FGFRL1: variants seen among roughly 807,000 people sequenced by gnomAD.
FGFRL1 encodes fibroblast growth factor receptor like 1.
A neutral mutation model predicts 36.8 loss-of-function variants in FGFRL1; 24 were observed. The ratio of observed to expected loss-of-function variants is 0.65; its 90% CI spans 0.47 to 0.92. FGFRL1 has a LOEUF of 0.92. Among genes scored for constraint, FGFRL1 ranks in the 40% least tolerant of loss-of-function variants. The pLI is 0.00. For missense variants in FGFRL1, 785 were observed against 753.4 expected, an observed-to-expected ratio of 1.04 and a Z score of -0.49; for synonymous variants, 422 against 344.1, an observed-to-expected ratio of 1.23 and a Z score of -2.50.
intron 2 of FGFRL1, among the ~76,000 whole-genome samples, chr4:1,015,112 G>T (rs1048167384): frequency 6.6e-6 from 1 of 152,190 alleles, no homozygotes; most frequent in Non-Finnish European, 1.5e-5. Flanking sequence ...TGCTGGGAGA[G>T]GCGGGCTGTG....
chr4:1,021,309 A>C (rs1716167023), intron 2 of FGFRL1, among the ~76,000 whole-genome samples: 1 of 152,050 alleles, frequency 6.6e-6, no homozygotes, highest in African/African-American at 2.4e-5. Context: ...GGGATGGTGC[A>C]GGTGGCCATG....
At chr4:1,016,636 C>G (rs1480177127) in intron 2 of FGFRL1, among the ~76,000 whole-genome samples, 1 of 152,132 alleles carries the variant, frequency 6.6e-6, no homozygotes, top group Admixed American at 6.5e-5. Context: ...GGGTAGCCAC[C>G]TGTGCTGCAG....
intron 2 of FGFRL1, among the ~76,000 whole-genome samples, chr4:1,015,462 G>C (rs1169336559): frequency 6.6e-6 from 1 of 152,218 alleles, no homozygotes; most frequent in Non-Finnish European, 1.5e-5. Context: ...GGATGGCTGG[G>C]GCAGGGGTGA....
chr4:1,014,865 C>T (rs1167820801), intron 2 of FGFRL1, among the ~76,000 whole-genome samples: 1 of 152,224 alleles, frequency 6.6e-6, no homozygotes, highest in Non-Finnish European at 1.5e-5. Flanking sequence ...ATCACTGTCC[C>T]CTTGGGGGGA....
chr4:1,022,575 C>A, intron 3 of FGFRL1, 100 bp downstream of exon 3: 1 of 1,412,820 alleles, frequency 7.1e-7, no homozygotes, highest in Non-Finnish European at 9.3e-7. Context: ...GAGAGTCAGC[C>A]AGCCCCCGGC....
chr4:1,024,356 A>G lies in FGFRL1; in HGVS notation c.764A>G (p.Asn255Ser). ...KPVLTGTHPV[N>S]TTVDFGGTTS... ...GTGCTCACAGGCACGCACCCCGTGAACACGACGGTGGACTTCGGGGGGACC... is the reference window on the plus strand; with the variant it reads ...GTGCTCACAGGCACGCACCCCGTGAGCACGACGGTGGACTTCGGGGGGACC... The change falls in exon 6 of 7, where the codon AAC becomes AGC. Residue 255 changes from asparagine to serine, a missense_variant. Coordinates refer to ENST00000510644, the MANE Select transcript of FGFRL1 (RefSeq NM_001004356.3). The G allele has an allele frequency of 6.2e-7, 1 of 1,611,822 alleles. No individual in the cohort carries two copies. The highest frequency in any genetic ancestry group is 8.5e-7 in the Non-Finnish European group (1 of 1,179,398).
intron 2 of FGFRL1, among the ~76,000 whole-genome samples, chr4:1,015,417 T>C (rs1715838260): frequency 6.6e-6 from 1 of 152,136 alleles, no homozygotes; most frequent in Non-Finnish European, 1.5e-5. Flanking sequence ...TGCAGGCGGC[T>C]CCAAGGTGGG....
At chr4:1,014,137 C>T (rs1189557185) in intron 2 of FGFRL1, among the ~76,000 whole-genome samples, 1 of 152,188 alleles carries the variant, frequency 6.6e-6, no homozygotes, top group Non-Finnish European at 1.5e-5. Flanking sequence ...ATGCAGAGGG[C>T]TTGGGTTATT....
In FGFRL1 at chr4:1,024,642, C is replaced by T. The variant is rs776735135; in HGVS notation, c.1050C>T (p.Ser350=). The stretch of plus-strand genomic sequence containing the variant: ...ACACCATGGGCTACAGCTTCCGCAG[C>T]GCCTTCCTCACCGTGCTGCCAGGTG... ...GANTMGYSFR[S]AFLTVLPDPK... is the part of the protein sequence containing the mutation. The change falls in exon 6 of 7, where the codon AGC becomes AGT. Residue 350 remains serine, a synonymous_variant. Coordinates refer to ENST00000510644, the MANE Select transcript of FGFRL1 (RefSeq NM_001004356.3). 16 of 1,604,556 alleles carry T rather than the reference C, an allele frequency of 1.0e-5. No individual in the cohort carries two copies. Among genetic ancestry groups the T allele is most frequent in the Middle Eastern group, 1.6e-4 (1 of 6,064 alleles).
rs1716548010 is a variant in FGFRL1, at chr4:1,026,530, T to C, written c.*1183T>C. 1 of 190,664 alleles carries C rather than the reference T, an allele frequency of 5.2e-6. No homozygotes were observed. The highest frequency in any genetic ancestry group is 1.1e-5 in the Non-Finnish European group (1 of 92,218). The allele number at this position is 190,664 out of a possible 1,614,324, so 11.8% of individuals were successfully genotyped here. Reference sequence around the variant, plus strand: ...TGGGTGCCCAGGAGTCCCCTACTGCTGTGGGCTGGGGTTGGGGGCACAGCA... The same window carrying C: ...TGGGTGCCCAGGAGTCCCCTACTGCCGTGGGCTGGGGTTGGGGGCACAGCA... On this transcript the variant is annotated 3_prime_UTR_variant, in exon 7 of 7. Coordinates refer to ENST00000510644, the MANE Select transcript of FGFRL1 (RefSeq NM_001004356.3).
chr4:1,014,105 C>T (rs1715755610), intron 2 of FGFRL1, among the ~76,000 whole-genome samples: 1 of 152,228 alleles, frequency 6.6e-6, no homozygotes, highest in African/African-American at 2.4e-5. Context: ...CACTGTGCAC[C>T]TTCGTTAGGC....
Position 1,026,162 on chromosome 4 carries a change from CAT to C in FGFRL1, c.*816_*817del, listed in dbSNP as rs34428342. On this transcript the variant is annotated 3_prime_UTR_variant, in exon 7 of 7. Transcript: ENST00000510644. ...CGTGCAGATATTGCCTGGACACACA[CAT>C]GTGCACAGATATGCTGTCTGGACAT... is the stretch of plus-strand genomic sequence containing the variant. 0.016 allele frequency: 2,562 copies of C among 157,146 alleles called. 66 individuals carry two copies. The highest frequency in any genetic ancestry group is 0.056 in the African/African-American group (2,320 of 41,422). The allele number at this position is 157,146 out of a possible 1,614,324, so 9.7% of individuals were successfully genotyped here. A position where few individuals can be genotyped will look rare whatever the true frequency, so the allele number is the denominator to read the frequency against.
At position 1,023,759 on chromosome 4, in the gene FGFRL1, G is replaced by C. The variant is rs759553930; in HGVS notation, c.433+38G>C. On this transcript the variant is annotated intron_variant, in intron 4 of 6. Transcript: ENST00000510644. The surrounding 1 kb of genome is among the most constrained non-coding windows in gnomAD (Gnocchi z 6.0). ...TGACGGGGGTGGGGGGCGTCCGTCT[G>C]TCCCGGCCCCTTGGCTGCATCCCCG... 2.4e-5 allele frequency: 37 copies of C among 1,550,972 alleles called. No homozygotes were observed. The East Asian group carries it at 7.8e-4, about 33-fold the overall frequency.
rs369250502 is a variant in FGFRL1, at chr4:1,026,068, GAC to G, written c.*730_*731del. On this transcript the variant is annotated 3_prime_UTR_variant, in exon 7 of 7. Coordinates refer to ENST00000510644, the MANE Select transcript of FGFRL1 (RefSeq NM_001004356.3). The stretch of plus-strand genomic sequence containing the variant: ...CACGCATGCACAGATATGCTGTCCG[GAC>G]ACACACACGCACGCAGATATGCTGC... The G allele has an allele frequency of 9.5e-4, 113 of 118,878 alleles. No homozygotes were observed. Among genetic ancestry groups the G allele is most frequent in the Middle Eastern group, 7.0e-3 (1 of 142 alleles). 7.4% of individuals were successfully genotyped at this position (118,878 alleles called of 1,614,324 possible). A position where few individuals can be genotyped will look rare whatever the true frequency, so the allele number is the denominator to read the frequency against.
At position 1,025,276 on chromosome 4, in the gene FGFRL1, A is replaced by C; in HGVS notation, c.1444A>C (p.Thr482Pro). The C allele has an allele frequency of 6.3e-7, 1 of 1,589,498 alleles. No homozygotes were observed. The highest frequency in any genetic ancestry group is 8.6e-7 in the Non-Finnish European group (1 of 1,167,284). Residue 482 changes from threonine to proline, a missense_variant, in exon 7 of 7, where the codon ACA becomes CCA. Transcript: ENST00000510644. The stretch of plus-strand genomic sequence containing the variant: ...ACTCTACACAGACATCCACACACAC[A>C]CACACACACACTCTCACACACACTC... ...PKLYTDIHTH[T>P]HTHSHTHSHV...
In FGFRL1 at chr4:1,025,484, A is replaced by T. The variant is rs1716469195; in HGVS notation, c.*137A>T. The stretch of plus-strand genomic sequence containing the variant: ...CAGCACCCCAGGCAGTCTGTGTGTG[A>T]GGCATAGCCCCTGGACACACACACA... On this transcript the variant is annotated 3_prime_UTR_variant, in exon 7 of 7. Transcript: ENST00000510644. 1.6e-5 allele frequency: 17 copies of T among 1,048,262 alleles called. No individual in the cohort carries two copies. Among genetic ancestry groups the T allele is most frequent in the Non-Finnish European group, 2.3e-5 (17 of 727,626 alleles). 64.9% of individuals were successfully genotyped at this position (1,048,262 alleles called of 1,614,324 possible).
rs1451184836 is a variant in FGFRL1 at position 1,026,875 on chromosome 4, A to G, written c.*1528A>G. ...GTATATTTAATTTATTTTGTTAAAC[A>G]TGAAAGTGCATCCTTTCCCTCCAGG... On this transcript the variant is annotated 3_prime_UTR_variant, in exon 7 of 7. Coordinates refer to ENST00000510644, the MANE Select transcript of FGFRL1 (RefSeq NM_001004356.3). 2 of 451,724 alleles carry G rather than the reference A, an allele frequency of 4.4e-6. No homozygotes were observed. The highest frequency in any genetic ancestry group is 4.0e-5 in the African/African-American group (2 of 49,776). 28.0% of individuals were successfully genotyped at this position (451,724 alleles called of 1,614,324 possible).
chr4:1,022,544 A>G, intron 3 of FGFRL1, 69 bp downstream of exon 3: 1 of 1,505,992 alleles, frequency 6.6e-7, no homozygotes, highest in Non-Finnish European at 8.9e-7. Flanking sequence ...AGGAGGGCGG[A>G]CGGGGACACA....
Position 1,024,079 on chromosome 4 carries a change from C to T in FGFRL1, c.696C>T (p.Ala232=), listed in dbSNP as rs759415964. 6.3e-7 allele frequency: 1 copy of T among 1,596,758 alleles called. No individual in the cohort carries two copies. Among genetic ancestry groups the T allele is most frequent in the Admixed American group, 1.7e-5 (1 of 59,274 alleles). The stretch of plus-strand genomic sequence containing the variant: ...CGAACCGCGCGGGCGCCATCAACGC[C>T]ACCTACAAGGTGGATGTGATCCGTG... ...RVSNRAGAIN[A]TYKVDVIQRT... Residue 232 remains alanine, a synonymous_variant, in exon 5 of 7, where the codon GCC becomes GCT. Coordinates refer to ENST00000510644, the MANE Select transcript of FGFRL1 (RefSeq NM_001004356.3).
Sources: allele counts gnomAD v4.1 joint callset (sites outside exome capture counted in the v4.1 genomes callset), GRCh38; gene constraint gnomAD v4.1.1; non-coding constraint Gnocchi (gnomAD v3.1); transcripts MANE v1.5; gene names NCBI Gene and HGNC (gene_info 2026-07-23, HGNC 2026-07-21).